KCNB2: variants seen among roughly 807,000 people sequenced by gnomAD.
KCNB2 encodes delayed rectifier potassium channel protein.
Under a neutral mutation model 61.5 loss-of-function variants are expected in KCNB2, and 15 were observed. That is an observed-to-expected ratio of 0.24 (90% CI 0.16 to 0.38). The LOEUF (loss-of-function observed/expected upper bound fraction) is 0.38. KCNB2 is among the 10% of genes least tolerant of loss of function. The pLI, the probability that KCNB2 is intolerant of heterozygous loss-of-function variation, is 1.00. For synonymous variants in KCNB2, 457 were observed against 446.0 expected, an observed-to-expected ratio of 1.02 and a Z score of -0.31; for missense variants, 828 against 1,125.2, an observed-to-expected ratio of 0.74 and a Z score of 3.78.
chr8:72,887,285 G>A lies in KCNB2; in HGVS notation c.580-48650G>A, dbSNP rs537436375. 2.0e-5 allele frequency among the ~76,000 whole-genome samples: 3 copies of A among 152,250 alleles called. No homozygotes were observed. In the East Asian group the frequency reaches 5.8e-4, roughly 29 times the overall value. On this transcript the variant is annotated intron_variant, in intron 2 of 2. Coordinates refer to ENST00000523207, the MANE Select transcript of KCNB2 (RefSeq NM_004770.3). Reference sequence around the variant, plus strand: ...TTCTACATCTGAAAGTTGGTCATGAGGGCAATGGATCTTGACTACTTAGTG... The same window carrying A: ...TTCTACATCTGAAAGTTGGTCATGAAGGCAATGGATCTTGACTACTTAGTG...
At chr8:72,589,351 AAG>A (rs1418442356) in intron 2 of KCNB2, among the ~76,000 whole-genome samples, 1 of 152,198 alleles carries the variant, frequency 6.6e-6, no homozygotes, top group Non-Finnish European at 1.5e-5. Flanking sequence ...AGTCTAAAAA[AAG>A]AAAAAAAGAA....
intron 2 of KCNB2, among the ~76,000 whole-genome samples, chr8:72,620,878 G>A (rs1281938256): frequency 6.6e-6 from 1 of 152,150 alleles, no homozygotes; most frequent in Non-Finnish European, 1.5e-5. Context: ...AAAGTGTGGG[G>A]ATTACAGGCA....
rs1472369292 is a variant in KCNB2, at chr8:72,716,693, CA to C, written c.579+148381del. ...TAATAAGAGCTATCTATGACAAACCCACAGCCAATATCATACTGAATGGACA... is the reference window on the plus strand; with the variant it reads ...TAATAAGAGCTATCTATGACAAACCCCAGCCAATATCATACTGAATGGACA... On this transcript the variant is annotated intron_variant, in intron 2 of 2. Transcript: ENST00000523207. 3.3e-5 allele frequency among the ~76,000 whole-genome samples: 5 copies of C among 152,160 alleles called. 1 individual carries two copies. Among genetic ancestry groups the C allele is most frequent in the African/African-American group, 1.2e-4 (5 of 41,512 alleles).
chr8:72,637,658 C>T (rs1212193827), intron 2 of KCNB2, among the ~76,000 whole-genome samples: 1 of 152,104 alleles, frequency 6.6e-6, no homozygotes, highest in Non-Finnish European at 1.5e-5. Flanking sequence ...TCTTGGAATC[C>T]TTGGCAGAAC....
intron 2 of KCNB2, among the ~76,000 whole-genome samples, chr8:72,783,218 C>T (rs189278448): frequency 6.6e-6 from 1 of 152,268 alleles, no homozygotes; most frequent in Non-Finnish European, 1.5e-5. Context: ...CTACTTTCAA[C>T]CCCTTCCCTG....
chr8:72,709,791 A>G (rs557941490), intron 2 of KCNB2, among the ~76,000 whole-genome samples: 1 of 152,224 alleles, frequency 6.6e-6, no homozygotes, highest in Non-Finnish European at 1.5e-5. Context: ...CTTCTTAAAT[A>G]ACCAGATTCT....
Position 72,937,563 on chromosome 8 carries a change from A to C in KCNB2, c.2208A>C (p.Pro736=), listed in dbSNP as rs763042132. Reference sequence around the variant, plus strand: ...AGACCCCGCCCAGCACAGCCAGGCCACTGCCAGTCACCACAGCTGACTTTT... The same window carrying C: ...AGACCCCGCCCAGCACAGCCAGGCCCCTGCCAGTCACCACAGCTGACTTTT... The part of the protein sequence containing the change: ...APQTPPSTAR[P]LPVTTADFSL... Residue 736 remains proline (P), a synonymous_variant, in exon 3 of 3, where the codon CCA becomes CCC. Coordinates refer to ENST00000523207, the MANE Select transcript of KCNB2 (RefSeq NM_004770.3). 2 of 1,614,038 alleles carry C rather than the reference A, an allele frequency of 1.2e-6. No homozygotes were observed. Among genetic ancestry groups the C allele is most frequent in the Admixed American group, 3.3e-5 (2 of 60,016 alleles).
At chr8:72,829,883 G>T (rs1292069256) in intron 2 of KCNB2, among the ~76,000 whole-genome samples, 1 of 151,294 alleles carries the variant, frequency 6.6e-6, no homozygotes, top group Admixed American at 6.6e-5. Flanking sequence ...TATGAATACT[G>T]GGAGACAAAG....
At chr8:72,742,129 G>T (rs977338646) in intron 2 of KCNB2, among the ~76,000 whole-genome samples, 9 of 152,152 alleles carry the variant, frequency 5.9e-5, no homozygotes, top group Non-Finnish European at 8.8e-5. Context: ...ATTTCAAATT[G>T]TGTATATTTC....
rs77528338 is a variant in KCNB2, at chr8:72,701,405, C to A, written c.579+133092C>A. Among the ~76,000 whole-genome samples, 318 of 152,172 alleles carry A rather than the reference C, an allele frequency of 2.1e-3. 3 individuals are homozygous for A. The highest frequency in any genetic ancestry group is 7.2e-3 in the African/African-American group (300 of 41,510). On this transcript the variant is annotated intron_variant, in intron 2 of 2. Transcript: ENST00000523207. ...AGCAAGCACATCTCATAGCAGTGGA[C>A]GTCATTTAATGACAAAGTTATCTAT...
rs541345671 is a variant in KCNB2, at chr8:72,753,299, T to C, written c.580-182636T>C. Among the ~76,000 whole-genome samples, 9 of 152,360 alleles carry C rather than the reference T, an allele frequency of 5.9e-5. No homozygotes were observed. In the East Asian group the frequency reaches 1.7e-3, roughly 29 times the overall value. On this transcript the variant is annotated intron_variant, in intron 2 of 2. Transcript: ENST00000523207. ...TTACGTTGATACCACAATATGATAT[T>C]AAATATGTGACATAACATCATAATG...
chr8:72,910,802 G>A (rs1420647606), intron 2 of KCNB2, among the ~76,000 whole-genome samples: 1 of 152,184 alleles, frequency 6.6e-6, no homozygotes, highest in Non-Finnish European at 1.5e-5. Flanking sequence ...ACACTGCAGG[G>A]CAGGAGCATG....
intron 2 of KCNB2, among the ~76,000 whole-genome samples, chr8:72,681,123 A>C (rs1008965004): frequency 2.6e-5 from 4 of 152,150 alleles, no homozygotes; most frequent in Non-Finnish European, 4.4e-5. Context: ...AAATGGTTAC[A>C]CTGGCAGAGA....
chr8:72,896,061 G>A (rs1378725439), intron 2 of KCNB2, among the ~76,000 whole-genome samples: 1 of 151,964 alleles, frequency 6.6e-6, no homozygotes, highest in Non-Finnish European at 1.5e-5. Context: ...AACTTTGAGA[G>A]GAGTTATGAT....
At chr8:72,646,888 G>A (rs1253496474) in intron 2 of KCNB2, among the ~76,000 whole-genome samples, 1 of 152,130 alleles carries the variant, frequency 6.6e-6, no homozygotes, top group Non-Finnish European at 1.5e-5. Flanking sequence ...GTGTTTATGA[G>A]AAAGCATTTT....
At chr8:72,749,727 TATA>T (rs1377041286) in intron 2 of KCNB2, among the ~76,000 whole-genome samples, 4 of 145,634 alleles carry the variant, frequency 2.7e-5, no homozygotes, top group Non-Finnish European at 4.5e-5. Context: ...ATATATATAA[TATA>T]ATACATATTA....
intron 2 of KCNB2, among the ~76,000 whole-genome samples, chr8:72,903,977 A>G (rs1023712337): frequency 6.6e-6 from 1 of 152,156 alleles, no homozygotes; most frequent in Non-Finnish European, 1.5e-5. Flanking sequence ...CACAGTCCAA[A>G]GCTGCCTTAC....
At chr8:72,808,112 A>T (rs1216146258) in intron 2 of KCNB2, among the ~76,000 whole-genome samples, 1 of 152,116 alleles carries the variant, frequency 6.6e-6, no homozygotes, top group Non-Finnish European at 1.5e-5. Context: ...GCCCAAATAG[A>T]CCTTCAATTT....
chr8:72,902,124 A>G (rs1279385377), intron 2 of KCNB2, among the ~76,000 whole-genome samples: 2 of 152,164 alleles, frequency 1.3e-5, no homozygotes, highest in Non-Finnish European at 2.9e-5. Context: ...GACCAAGTAT[A>G]GGACTTAAAA....
Sources: allele counts gnomAD v4.1 joint callset (sites outside exome capture counted in the v4.1 genomes callset), GRCh38; gene constraint gnomAD v4.1.1; transcripts MANE v1.5; gene names NCBI Gene and HGNC (gene_info 2026-07-23, HGNC 2026-07-21).